Variants in JAK1 observed in about 807,000 individuals in gnomAD.
The protein encoded by JAK1 is tyrosine-protein kinase JAK1.
In JAK1, 16 loss-of-function variants were observed where a neutral mutation model predicts 136.6. That is an observed-to-expected ratio of 0.12 (90% confidence interval 0.08 to 0.18). JAK1 has a LOEUF of 0.18. Among genes scored for constraint, JAK1 ranks in the 10% least tolerant of loss-of-function variants. JAK1 has a pLI of 1.00. For missense variants in JAK1, 859 were observed against 1,450.1 expected (o/e 0.59, Z 6.62); for synonymous variants, 492 against 519.5 (o/e 0.95, Z 0.72).
intron 1 of JAK1, among the ~76,000 whole-genome samples, chr1:64,948,624 T>C (rs1326425027): frequency 6.6e-6 from 1 of 152,370 alleles, no homozygotes; most frequent in Admixed American, 6.5e-5. Flanking sequence ...GTTCTGAAAT[T>C]GCTTTTGGGC....
chr1:64,908,981 T>C (rs1312820788), intron 1 of JAK1, among the ~76,000 whole-genome samples: 1 of 151,448 alleles, frequency 6.6e-6, no homozygotes, highest in Non-Finnish European at 1.5e-5. Context: ...GGTTGCTGAG[T>C]GAAAGAATGA....
intron 9 of JAK1, among the ~76,000 whole-genome samples, chr1:64,859,337 T>C (rs903279712): frequency 2.6e-5 from 4 of 152,158 alleles, no homozygotes; most frequent in Admixed American, 1.3e-4. Context: ...TTCAAGTGAG[T>C]AGGCAGAAGT....
intron 4 of JAK1, among the ~76,000 whole-genome samples, chr1:64,877,631 G>C (rs1383207377): frequency 6.6e-6 from 1 of 151,940 alleles, no homozygotes; most frequent in Non-Finnish European, 1.5e-5. Context: ...AAAAAAAAAT[G>C]AAAGAGTTGA....
chr1:64,834,817 T>A (rs1326406591), intron 24 of JAK1, among the ~76,000 whole-genome samples, 160 bp from the exon 25 acceptor site: 1 of 152,104 alleles, frequency 6.6e-6, no homozygotes, highest in Admixed American at 6.5e-5. Flanking sequence ...ACACAGAAAA[T>A]GGGATACAAC....
chr1:64,863,433 T>A (rs538838154), intron 8 of JAK1, among the ~76,000 whole-genome samples: 32 of 152,296 alleles, frequency 2.1e-4, no homozygotes, highest in Non-Finnish European at 3.5e-4. Context: ...CTTTTCTCCC[T>A]CCATTTCGCA....
chr1:64,949,578 C>T (rs1646046347), intron 1 of JAK1, among the ~76,000 whole-genome samples: 1 of 152,144 alleles, frequency 6.6e-6, no homozygotes, highest in South Asian at 2.1e-4. Flanking sequence ...TTTTCATGTC[C>T]TTTGAAGAAA....
intron 2 of JAK1, among the ~76,000 whole-genome samples, chr1:65,033,008 A>C (rs1647037084): frequency 6.6e-6 from 1 of 152,200 alleles, no homozygotes; most frequent in Non-Finnish European, 1.5e-5. Flanking sequence ...CTTCCAGAAA[A>C]AGTCTTTAAA....
At chr1:64,977,394 CT>C (rs913810084) in intron 2 of JAK1, among the ~76,000 whole-genome samples, 1 of 152,122 alleles carries the variant, frequency 6.6e-6, no homozygotes, top group Admixed American at 6.5e-5. Context: ...TCAAGCAGTC[CT>C]CCTGTCTCAG....
intron 11 of JAK1, 144 bp from the exon 12 acceptor site, chr1:64,851,054 T>C: frequency 3.1e-6 from 2 of 642,890 alleles, no homozygotes; most frequent in Non-Finnish European, 2.9e-6. Context: ...TCAATAGGCA[T>C]ATGGCTCCTA....
chr1:65,054,499 T>C (rs918268877), intron 1 of JAK1, among the ~76,000 whole-genome samples: 2 of 151,896 alleles, frequency 1.3e-5, no homozygotes, highest in African/African-American at 4.8e-5. Context: ...AGGAGTATTT[T>C]AAATTACCTG....
At chr1:64,921,921 G>A (rs1645499774) in intron 1 of JAK1, among the ~76,000 whole-genome samples, 1 of 151,856 alleles carries the variant, frequency 6.6e-6, no homozygotes, top group Admixed American at 6.6e-5. Context: ...GCTATAGCAT[G>A]ACTTCAGTCA....
intron 1 of JAK1, among the ~76,000 whole-genome samples, chr1:65,065,570 G>A (rs1272512248): frequency 6.6e-6 from 1 of 151,696 alleles, no homozygotes; most frequent in Non-Finnish European, 1.5e-5. Context: ...CTTTTAGAGG[G>A]AAACGCTGTT....
rs150996732 is a variant in JAK1 at position 64,843,105 on chromosome 1, G to A, written c.2403+959C>T. 2.7e-4 allele frequency among the ~76,000 whole-genome samples: 41 copies of A among 152,080 alleles called. 1 individual carries two copies. The highest frequency in any genetic ancestry group is 9.4e-4 in the African/African-American group (39 of 41,474). On this transcript the variant is annotated intron_variant, in intron 17 of 24. Transcript: ENST00000342505. ...CCTTCCTTGTCCCATGCCACCCCCA[G>A]TAAAATGTAGGTTCTGCAGCCTGGA... is the stretch of plus-strand genomic sequence containing the variant.
At chr1:64,996,475 A>G (rs1646704967) in intron 2 of JAK1, among the ~76,000 whole-genome samples, 1 of 152,274 alleles carries the variant, frequency 6.6e-6, no homozygotes, top group Non-Finnish European at 1.5e-5. Flanking sequence ...TCTGATAATT[A>G]CATTTGTAGA....
At chr1:64,942,845 C>T (rs1557711597) in intron 1 of JAK1, among the ~76,000 whole-genome samples, 1 of 152,104 alleles carries the variant, frequency 6.6e-6, no homozygotes, top group Non-Finnish European at 1.5e-5. Context: ...CAGTTGCTTA[C>T]ACCACTTTCC....
At chr1:64,938,472 T>G (rs1269947683) in intron 1 of JAK1, among the ~76,000 whole-genome samples, 9 of 152,186 alleles carry the variant, frequency 5.9e-5, no homozygotes, top group Non-Finnish European at 1.0e-4. Context: ...ATGAACTAAG[T>G]GAAGACCTGA....
intron 8 of JAK1, among the ~76,000 whole-genome samples, chr1:64,862,950 A>T (rs1276757888): frequency 6.6e-6 from 1 of 152,218 alleles, no homozygotes; most frequent in Non-Finnish European, 1.5e-5. Context: ...TACAAGGACT[A>T]AGACAGACCA....
At chr1:64,985,427 C>T (rs1195768760) in intron 2 of JAK1, 1 of 1,608,506 alleles carries the variant, frequency 6.2e-7, no homozygotes, top group Non-Finnish European at 8.5e-7. Flanking sequence ...GGAGGATCTC[C>T]TTAGCATTCT....
At chr1:64,882,846 T>C (rs1215865255) in intron 3 of JAK1, among the ~76,000 whole-genome samples, 1 of 152,086 alleles carries the variant, frequency 6.6e-6, no homozygotes, top group Admixed American at 6.6e-5. Context: ...GGTCAAACTT[T>C]TTAGGAGAAG....
Sources: allele counts gnomAD v4.1 joint callset (sites outside exome capture counted in the v4.1 genomes callset), GRCh38; gene constraint gnomAD v4.1.1; transcripts MANE v1.5; gene names NCBI Gene and HGNC (gene_info 2026-07-23, HGNC 2026-07-21).